The following IFT56 variants were observed in gnomAD, a reference collection of about 807,000 sequenced individuals.
IFT56 encodes the protein intraflagellar transport protein 56.
chr7:139,174,222 G>C, the IFT56 span: 1 of 589,370 alleles, frequency 1.7e-6, no homozygotes, highest in South Asian at 1.4e-5. Context: ...GATATTCTGG[G>C]ATCTTTCTGC....
chr7:139,174,265 A>G, the IFT56 span: 1 of 576,962 alleles, frequency 1.7e-6, no homozygotes, highest in South Asian at 1.4e-5. Flanking sequence ...AACATTAACA[A>G]TCTGGGTCTG....
chr7:139,148,085 C>A, the IFT56 span: 1 of 821,752 alleles, frequency 1.2e-6, no homozygotes, highest in Non-Finnish European at 1.9e-6. Context: ...CATATCTTGC[C>A]CTCTTTCTTC....
At chr7:139,165,275 T>A in the IFT56 span, 420 of 1,365,642 alleles carry the variant, frequency 3.1e-4, 3 homozygotes, top group East Asian at 8.7e-3. Context: ...AATGAGATAT[T>A]TTAGAATAGT....
chr7:139,137,668 A>G, the IFT56 span, among the ~76,000 whole-genome samples: 11 of 152,222 alleles, frequency 7.2e-5, no homozygotes, highest in Non-Finnish European at 1.3e-4. Flanking sequence ...GAAAATATAA[A>G]TTTCTGTGAC....
chr7:139,173,756 TATG>T, the IFT56 span: 16 of 763,918 alleles, frequency 2.1e-5, no homozygotes, highest in Non-Finnish European at 3.7e-5. Context: ...CCAAAATCAT[TATG>T]ATGTTGGTCT....
the IFT56 span, among the ~76,000 whole-genome samples, chr7:139,157,495 A>ATTTTT: frequency 3.6e-5 from 3 of 82,428 alleles, no homozygotes; most frequent in Non-Finnish European, 5.1e-5. Flanking sequence ...TTTGTATTGG[A>ATTTTT]TTTTTTTTTT....
At chr7:139,142,867 A>G in the IFT56 span, among the ~76,000 whole-genome samples, 16 of 152,226 alleles carry the variant, frequency 1.1e-4, no homozygotes, top group Non-Finnish European at 2.2e-4. Flanking sequence ...CAACTATACT[A>G]TTATCTGTTA....
chr7:139,148,590 G>A, the IFT56 span, among the ~76,000 whole-genome samples: 1 of 152,162 alleles, frequency 6.6e-6, no homozygotes, highest in African/African-American at 2.4e-5. Flanking sequence ...CCATTAAATT[G>A]TAGATGATTT....
the IFT56 span, among the ~76,000 whole-genome samples, chr7:139,143,314 T>C: frequency 7.2e-5 from 11 of 152,184 alleles, no homozygotes; most frequent in African/African-American, 2.7e-4. Flanking sequence ...ACTTTGTCTC[T>C]TTCTCTTTTT....
chr7:139,180,924 A>G, the IFT56 span, among the ~76,000 whole-genome samples: 1 of 152,208 alleles, frequency 6.6e-6, no homozygotes, highest in Non-Finnish European at 1.5e-5. Context: ...GTATGGTAGA[A>G]TTCTGGCAGG....
At chr7:139,189,557 C>T in the IFT56 span, 5 of 686,216 alleles carry the variant, frequency 7.3e-6, no homozygotes, top group East Asian at 1.1e-4. Flanking sequence ...GCTCTTTAAG[C>T]CTCAAGGTCA....
the IFT56 span, among the ~76,000 whole-genome samples, chr7:139,154,138 T>G: frequency 6.6e-6 from 1 of 152,180 alleles, no homozygotes; most frequent in Non-Finnish European, 1.5e-5. Flanking sequence ...ATCTTTTTTG[T>G]AGAAATGTCT....
At chr7:139,171,870 GA>G in the IFT56 span, among the ~76,000 whole-genome samples, 2 of 152,146 alleles carry the variant, frequency 1.3e-5, no homozygotes, top group Admixed American at 6.5e-5. Flanking sequence ...ACATTTTACA[GA>G]AAGGTAGCCA....
At chr7:139,147,204 T>A in the IFT56 span, 1 of 1,613,728 alleles carries the variant, frequency 6.2e-7, no homozygotes, top group Non-Finnish European at 8.5e-7. Flanking sequence ...TCACAGAAGA[T>A]CAACTCAGTT....
At chr7:139,161,565 T>C in the IFT56 span, among the ~76,000 whole-genome samples, 1 of 152,226 alleles carries the variant, frequency 6.6e-6, no homozygotes, top group Non-Finnish European at 1.5e-5. Flanking sequence ...TCAATTCAGA[T>C]ACCTGGGAGC....
chr7:139,181,144 A>C, the IFT56 span: 1 of 1,613,104 alleles, frequency 6.2e-7, no homozygotes, highest in Non-Finnish European at 8.5e-7. Flanking sequence ...TTAAGATGGA[A>C]ACCTCCGGCG....
At chr7:139,143,479 T>C in the IFT56 span, among the ~76,000 whole-genome samples, 1 of 152,170 alleles carries the variant, frequency 6.6e-6, no homozygotes, top group African/African-American at 2.4e-5. Flanking sequence ...TTTGTCATAT[T>C]TGTGAGCTAT....
the IFT56 span, among the ~76,000 whole-genome samples, chr7:139,170,304 C>T: frequency 6.6e-6 from 1 of 152,186 alleles, no homozygotes; most frequent in Admixed American, 6.5e-5. Context: ...TAATACCAAT[C>T]CTACTCAAAC....
chr7:139,183,377 G>C, the IFT56 span, among the ~76,000 whole-genome samples: 1 of 152,018 alleles, frequency 6.6e-6, no homozygotes, highest in Non-Finnish European at 1.5e-5. Context: ...GAAAACGATG[G>C]GTGTAGGTGA....
Sources: gnomAD v4.1 joint callset for allele counts (sites outside exome capture counted in the v4.1 genomes callset) on GRCh38, gnomAD v4.1.1 for gene constraint, MANE v1.5 for transcripts, NCBI Gene and HGNC (gene_info 2026-07-23, HGNC 2026-07-21) for gene names.